Variants in ARID1B observed in about 807,000 individuals in gnomAD.
The protein encoded by ARID1B is AT-rich interaction domain 1B.
In ARID1B, 30 loss-of-function variants were observed where a neutral mutation model predicts 212.3. The observed-to-expected ratio is 0.14, with a 90% confidence interval of 0.11 to 0.19. The LOEUF (loss-of-function observed/expected upper bound fraction) is 0.19, where lower values mean the gene tolerates loss of function less well. Ranked by LOEUF, ARID1B falls within the 10% of genes least tolerant of loss-of-function variation. The pLI is 1.00. For missense variants in ARID1B, 2,891 were observed against 3,204.0 expected, an observed-to-expected ratio of 0.90 and a Z score of 2.36; for synonymous variants, 1,402 against 1,301.7, an observed-to-expected ratio of 1.08 and a Z score of -1.66.
chr6:157,098,650 T>G (rs1265895653), intron 5 of ARID1B, among the ~76,000 whole-genome samples: 1 of 152,242 alleles, frequency 6.6e-6, no homozygotes, highest in Non-Finnish European at 1.5e-5. Flanking sequence ...TATTTACTAT[T>G]CATGTCTTCA....
In ARID1B at chr6:157,052,101, A is replaced by G. The variant is rs1782645156; in HGVS notation, c.2248-32561A>G. On this transcript the variant is annotated intron_variant, in intron 4 of 19. Transcript: ENST00000636930. ...CTTCCAGGTACGTCGTATTTTACCA[A>G]GTAATGACGTAGGAAAATGTCTCCA... Among the ~76,000 whole-genome samples, 11 of 152,328 alleles carry G rather than the reference A, an allele frequency of 7.2e-5. 1 individual carries two copies. In the South Asian group the frequency reaches 2.3e-3, roughly 32 times the overall value.
intron 3 of ARID1B, among the ~76,000 whole-genome samples, chr6:156,932,272 C>T (rs1421349987): frequency 6.6e-6 from 1 of 151,894 alleles, no homozygotes; most frequent in Non-Finnish European, 1.5e-5. Flanking sequence ...TGACTCGTAA[C>T]ATAAAGAAGG....
intron 4 of ARID1B, among the ~76,000 whole-genome samples, chr6:157,067,743 G>A (rs1288437877): frequency 2.6e-5 from 4 of 152,058 alleles, no homozygotes; most frequent in Non-Finnish European, 2.9e-5. Flanking sequence ...CTCGTTCTGC[G>A]TACTGTGCAG....
intron 12 of ARID1B, among the ~76,000 whole-genome samples, chr6:157,183,274 G>A (rs1473039781): frequency 6.6e-6 from 1 of 152,058 alleles, no homozygotes; most frequent in Non-Finnish European, 1.5e-5. Context: ...GCCAAAAGAG[G>A]GCGGTGGGCA....
At chr6:157,166,943 C>T (rs567368085) in intron 8 of ARID1B, 97 bp from the exon 9 acceptor site, 6 of 1,475,870 alleles carry the variant, frequency 4.1e-6, no homozygotes, top group Middle Eastern at 1.8e-4. Context: ...TATAGCCCCA[C>T]CCCTTACATA....
chr6:156,924,611 A>G (rs1019108988), intron 3 of ARID1B, among the ~76,000 whole-genome samples: 2 of 152,154 alleles, frequency 1.3e-5, no homozygotes, highest in African/African-American at 4.8e-5. Flanking sequence ...TATTTCTGGA[A>G]TTTTTTCCCT....
At chr6:156,884,645 G>A (rs1367259324) in intron 2 of ARID1B, among the ~76,000 whole-genome samples, 1 of 152,222 alleles carries the variant, frequency 6.6e-6, no homozygotes, top group Non-Finnish European at 1.5e-5. Context: ...GTCCGCTAAG[G>A]AGGTGGCTGC....
At chr6:157,146,655 C>CA (rs1248362594) in intron 7 of ARID1B, among the ~76,000 whole-genome samples, 3 of 152,202 alleles carry the variant, frequency 2.0e-5, no homozygotes, top group African/African-American at 7.2e-5. Flanking sequence ...TGCATGCACA[C>CA]ACACACACAT....
At chr6:156,810,545 TAAA>T (rs1781487916) in intron 1 of ARID1B, among the ~76,000 whole-genome samples, 3 of 152,204 alleles carry the variant, frequency 2.0e-5, no homozygotes, top group Non-Finnish European at 4.4e-5. Context: ...AGAAGACACA[TAAA>T]CAGACAATGG....
chr6:156,805,508 C>A (rs1308005449), intron 1 of ARID1B, among the ~76,000 whole-genome samples: 1 of 152,152 alleles, frequency 6.6e-6, no homozygotes, highest in East Asian at 1.9e-4. Context: ...AGCAGGTTTA[C>A]ACTTCACCAA....
rs1374080165 is a variant in ARID1B at position 157,209,992 on chromosome 6, A to G, written c.*2101A>G. ...ACTCAGAATCCCCAGCCCCTCGCAT[A>G]CATTGTGTCGGTTCACATTACTCAC... On this transcript the variant is annotated 3_prime_UTR_variant, in exon 20 of 20. Coordinates refer to ENST00000636930, the MANE Select transcript of ARID1B (RefSeq NM_001374828.1). 8.6e-6 allele frequency: 2 copies of G among 233,066 alleles called. No homozygotes were observed. Among genetic ancestry groups the G allele is most frequent in the Non-Finnish European group, 1.7e-5 (2 of 118,020 alleles). The allele number at this position is 233,066 out of a possible 1,614,324, so 14.4% of individuals were successfully genotyped here.
At chr6:156,835,239 C>CAAAAA (rs58070286) in intron 2 of ARID1B, among the ~76,000 whole-genome samples, 8 of 107,608 alleles carry the variant, frequency 7.4e-5, no homozygotes, top group African/African-American at 2.1e-4. Context: ...GACTCTGTCA[C>CAAAAA]AAAAAAAAAA....
At chr6:157,156,718 C>T (rs1790599775) in intron 8 of ARID1B, among the ~76,000 whole-genome samples, 1 of 152,194 alleles carries the variant, frequency 6.6e-6, no homozygotes, top group African/African-American at 2.4e-5. Flanking sequence ...GGAGCCTCAA[C>T]TCCAAAATCC....
Position 156,778,099 on chromosome 6 carries a change from C to CGGCCAT in ARID1B, c.422_427dup (p.Ala141_Met142dup). 1 of 1,540,714 alleles carries CGGCCAT rather than the reference C, an allele frequency of 6.5e-7. No individual in the cohort carries two copies. Among genetic ancestry groups the CGGCCAT allele is most frequent in the South Asian group, 1.2e-5 (1 of 83,980 alleles). On this transcript the variant is annotated inframe_insertion, in exon 1 of 20. Transcript: ENST00000636930. ...TCTTCCTCCTCGTCGGGCCCGGGCT[C>CGGCCAT]GGCCATGGAGACGGGGCTGCTCCCC...
intron 4 of ARID1B, among the ~76,000 whole-genome samples, chr6:156,997,587 A>G (rs896736011): frequency 2.0e-5 from 3 of 152,060 alleles, no homozygotes; most frequent in African/African-American, 7.2e-5. Flanking sequence ...TAACAGATGT[A>G]GAGAAATTCT....
chr6:157,107,574 T>C (rs1562623380), intron 5 of ARID1B, among the ~76,000 whole-genome samples: 1 of 152,216 alleles, frequency 6.6e-6, no homozygotes, highest in African/African-American at 2.4e-5. Flanking sequence ...CACGTGGCTG[T>C]GTGTGTTATC....
At chr6:157,180,926 G>T (rs1333989599) in intron 11 of ARID1B, 43 bp from the exon 12 acceptor site, 1 of 1,558,404 alleles carries the variant, frequency 6.4e-7, no homozygotes, top group Non-Finnish European at 8.8e-7. Flanking sequence ...CTCTCCCTCT[G>T]CCCACCCATG....
At chr6:157,092,588 TC>T (rs1205086456) in intron 5 of ARID1B, among the ~76,000 whole-genome samples, 5 of 152,260 alleles carry the variant, frequency 3.3e-5, no homozygotes, top group African/African-American at 1.2e-4. Context: ...TTTCAATCTT[TC>T]ATTCCAGCAA....
rs59495492 is a variant in ARID1B at position 157,038,260 on chromosome 6, C to T, written c.2248-46402C>T. On this transcript the variant is annotated intron_variant, in intron 4 of 19. Coordinates refer to ENST00000636930, the MANE Select transcript of ARID1B (RefSeq NM_001374828.1). Reference sequence around the variant, plus strand: ...ATAGGAAGGTTGGTAGAAACTATTACAGAACACCAGGTATTGGTGATGACC... The same window carrying T: ...ATAGGAAGGTTGGTAGAAACTATTATAGAACACCAGGTATTGGTGATGACC... Among the ~76,000 whole-genome samples, 323 of 152,278 alleles carry T rather than the reference C, an allele frequency of 2.1e-3. 1 individual carries two copies. Among genetic ancestry groups the T allele is most frequent in the African/African-American group, 7.3e-3 (303 of 41,564 alleles).
Sources: allele counts gnomAD v4.1 joint callset (sites outside exome capture counted in the v4.1 genomes callset), GRCh38; gene constraint gnomAD v4.1.1; transcripts MANE v1.5; gene names NCBI Gene and HGNC (gene_info 2026-07-23, HGNC 2026-07-21).